Variants in PRIM2 observed in about 807,000 individuals in gnomAD.
PRIM2 encodes DNA primase subunit 2, also known as DNA primase large subunit.
In PRIM2, 39 loss-of-function variants were observed where a neutral mutation model predicts 67.3. The ratio of observed to expected loss-of-function variants is 0.58; its 90% confidence interval spans 0.45 to 0.76. The LOEUF is 0.76. PRIM2 is among the 30% of genes least tolerant of loss of function. The pLI is 0.00. For synonymous variants in PRIM2, 143 were observed against 198.7 expected (o/e 0.72, Z 2.36); for missense variants, 398 against 598.7 (o/e 0.66, Z 3.50).
Position 57,463,659 on chromosome 6 carries a change from A to G in PRIM2, c.694-43728A>G, listed in dbSNP as rs1230333770. Among the ~76,000 whole-genome samples the G allele has an allele frequency of 6.4e-3, 981 of 152,264 alleles. 36 individuals carry two copies. The highest frequency in any genetic ancestry group is 0.057 in the Admixed American group (865 of 15,288). On this transcript the variant is annotated intron_variant, in intron 7 of 13. Coordinates refer to ENST00000615550, the MANE Select transcript of PRIM2 (RefSeq NM_000947.5). ...CAAATGCCTTTTAAAGCATCTTCAG[A>G]GATTTCAAACCTGTCTGACCTTCTT... is the stretch of plus-strand genomic sequence containing the variant.
chr6:57,299,072 G>GTT, the PRIM2 span, among the ~76,000 whole-genome samples: 2 of 150,800 alleles, frequency 1.3e-5, no homozygotes, highest in Non-Finnish European at 3.0e-5. Context: ...CTTTCTCTCT[G>GTT]TCTCTCTCTC....
chr6:57,622,004 G>T (rs1316017768), intron 12 of PRIM2, among the ~76,000 whole-genome samples: 4 of 151,824 alleles, frequency 2.6e-5, no homozygotes, highest in South Asian at 2.1e-4. Flanking sequence ...AGGCTGGAGC[G>T]CAGTGGCATG....
intron 10 of PRIM2, among the ~76,000 whole-genome samples, chr6:57,563,407 A>G (rs1436029434): frequency 2.0e-5 from 3 of 151,720 alleles, no homozygotes; most frequent in Admixed American, 6.6e-5. Flanking sequence ...AGAGATTTCC[A>G]GTTGAGTTAG....
intron 7 of PRIM2, among the ~76,000 whole-genome samples, chr6:57,431,222 T>C (rs1247336330): frequency 3.9e-5 from 6 of 152,270 alleles, no homozygotes; most frequent in Admixed American, 1.3e-4. Flanking sequence ...TTCTGTTATA[T>C]GTAGCACAAT....
At chr6:57,384,081 T>C (rs1375438862) in intron 7 of PRIM2, among the ~76,000 whole-genome samples, 4 of 152,228 alleles carry the variant, frequency 2.6e-5, no homozygotes, top group Admixed American at 6.5e-5. Context: ...TCTGAATATG[T>C]CTTTACCCTT....
chr6:57,559,719 C>T (rs1435776318), intron 10 of PRIM2, among the ~76,000 whole-genome samples: 2 of 152,184 alleles, frequency 1.3e-5, no homozygotes, highest in Admixed American at 6.5e-5. Context: ...GGAAGTCACA[C>T]AATTTGCTTT....
At chr6:57,263,238 T>G in the PRIM2 span, among the ~76,000 whole-genome samples, 1 of 152,356 alleles carries the variant, frequency 6.6e-6, no homozygotes, top group East Asian at 1.9e-4. Context: ...CTGTATTTGC[T>G]TCTTAGGGCT....
At position 57,633,761 on chromosome 6, in the gene PRIM2, C is replaced by T. The variant is rs1440447446; in HGVS notation, c.1299+1560C>T. On this transcript the variant is annotated intron_variant, in intron 13 of 13. Coordinates refer to ENST00000615550, the MANE Select transcript of PRIM2 (RefSeq NM_000947.5). ...CGGGGTTCACAATAGGGTTCACACCCGCATGAGAATCTAAGGCCACTGCTG... is the reference window on the plus strand; with the variant it reads ...CGGGGTTCACAATAGGGTTCACACCTGCATGAGAATCTAAGGCCACTGCTG... Among the ~76,000 whole-genome samples the T allele has an allele frequency of 9.2e-5, 14 of 152,066 alleles. No individual in the cohort carries two copies. The South Asian group carries it at 2.7e-3, about 29-fold the overall frequency.
chr6:57,407,817 G>A (rs1160534153), intron 7 of PRIM2, among the ~76,000 whole-genome samples: 3 of 152,282 alleles, frequency 2.0e-5, no homozygotes, highest in African/African-American at 7.2e-5. Context: ...GGTGGTGAAG[G>A]CAGGTTTCTA....
chr6:57,600,197 G>A (rs1776436992), intron 10 of PRIM2, among the ~76,000 whole-genome samples: 1 of 152,132 alleles, frequency 6.6e-6, no homozygotes, highest in Non-Finnish European at 1.5e-5. Flanking sequence ...TCTCCTGTCT[G>A]ACTCAATTCA....
At chr6:57,599,761 A>G (rs1776427442) in intron 10 of PRIM2, among the ~76,000 whole-genome samples, 1 of 152,264 alleles carries the variant, frequency 6.6e-6, no homozygotes, top group African/African-American at 2.4e-5. Flanking sequence ...TAGGAAGGCT[A>G]TCAACCCGTT....
At chr6:57,494,808 T>C (rs2127411518) in intron 7 of PRIM2, among the ~76,000 whole-genome samples, 1 of 152,326 alleles carries the variant, frequency 6.6e-6, no homozygotes, top group Admixed American at 6.5e-5. Flanking sequence ...ATGAGTTTTG[T>C]CTCTAAATTT....
At chr6:57,537,348 C>A in intron 9 of PRIM2, 92 bp from the exon 10 acceptor site, 1 of 603,214 alleles carries the variant, frequency 1.7e-6, no homozygotes, top group Non-Finnish European at 2.6e-6. Flanking sequence ...TTTTTTATTC[C>A]AATTAAATTG....
intron 7 of PRIM2, among the ~76,000 whole-genome samples, chr6:57,388,091 G>A (rs1770210385): frequency 6.6e-6 from 1 of 152,192 alleles, no homozygotes; most frequent in African/African-American, 2.4e-5. Flanking sequence ...GTGCTACCAT[G>A]TGAGGCTGCA....
intron 7 of PRIM2, chr6:57,383,020 T>A (rs1770015147): frequency 6.6e-6 from 1 of 152,116 alleles, no homozygotes; most frequent in Admixed American, 6.6e-5. Flanking sequence ...TCTGTGTTTA[T>A]TAAATGAAGG....
intron 11 of PRIM2, among the ~76,000 whole-genome samples, chr6:57,605,556 G>GA (rs1398900088): frequency 5.9e-5 from 9 of 151,918 alleles, no homozygotes; most frequent in Admixed American, 5.2e-4. Context: ...TCTAATTTGT[G>GA]AAAAATGCAC....
chr6:57,509,718 C>T (rs1774321783), intron 8 of PRIM2, among the ~76,000 whole-genome samples: 1 of 151,548 alleles, frequency 6.6e-6, no homozygotes, highest in Admixed American at 6.6e-5. Flanking sequence ...ACCCCTACGG[C>T]CTTACAAATA....
At chr6:57,388,896 C>T (rs1770235818) in intron 7 of PRIM2, among the ~76,000 whole-genome samples, 1 of 152,110 alleles carries the variant, frequency 6.6e-6, no homozygotes, top group Non-Finnish European at 1.5e-5. Flanking sequence ...AATGTGCAGC[C>T]ATGAGACTCC....
chr6:57,396,405 T>C (rs540217738), intron 7 of PRIM2, among the ~76,000 whole-genome samples: 2 of 152,318 alleles, frequency 1.3e-5, no homozygotes, highest in Non-Finnish European at 2.9e-5. Context: ...TTCTATAATG[T>C]CCCTGTTTCT....
Sources: gnomAD v4.1 joint callset for allele counts (sites outside exome capture counted in the v4.1 genomes callset) on GRCh38, gnomAD v4.1.1 for gene constraint, MANE v1.5 for transcripts, NCBI Gene and HGNC (gene_info 2026-07-23, HGNC 2026-07-21) for gene names.